TRAIP: variants seen among roughly 807,000 people sequenced by gnomAD.
TRAIP encodes TRAF interacting protein.
A neutral mutation model predicts 65.0 loss-of-function variants in TRAIP; 37 were observed. The ratio of observed to expected loss-of-function variants is 0.57; its 90% CI spans 0.44 to 0.75. TRAIP has a LOEUF of 0.75. Among genes scored for constraint, TRAIP ranks in the 30% least tolerant of loss-of-function variants. The pLI is 0.00. For synonymous variants in TRAIP, 187 were observed against 219.1 expected, an observed-to-expected ratio of 0.85 and a Z score of 1.29; for missense variants, 481 against 579.4, an observed-to-expected ratio of 0.83 and a Z score of 1.74.
chr3:49,831,833 C>A, intron 11 of TRAIP, 83 bp downstream of exon 11: 1 of 1,391,066 alleles, frequency 7.2e-7, no homozygotes, highest in Non-Finnish European at 9.4e-7. Context: ...ATCAGCCACT[C>A]AGAGCTAACA....
chr3:49,848,006 A>C lies in TRAIP; in HGVS notation c.156+137T>G, dbSNP rs866272405. ...GACCTCCCAAACACTCAAGGGCACA[A>C]GTGAGGCTCAACTGGCCTTAAACCA... On this transcript the variant is annotated intron_variant, in intron 2 of 14. Transcript: ENST00000331456. 12 of 921,578 alleles carry C rather than the reference A, an allele frequency of 1.3e-5. No individual in the cohort carries two copies. In the South Asian group the frequency reaches 1.4e-4, roughly 11 times the overall value. 57.1% of individuals were successfully genotyped at this position (921,578 alleles called of 1,614,324 possible). A position where few individuals can be genotyped will look rare whatever the true frequency, so the allele number is the denominator to read the frequency against.
intron 1 of TRAIP, among the ~76,000 whole-genome samples, chr3:49,854,639 G>C (rs1362199517): frequency 6.6e-6 from 1 of 152,122 alleles, no homozygotes; most frequent in Non-Finnish European, 1.5e-5. Flanking sequence ...AGGCAAAACA[G>C]AATCGACTAA....
chr3:49,852,056 C>A (rs1447868127), intron 1 of TRAIP, among the ~76,000 whole-genome samples: 1 of 151,476 alleles, frequency 6.6e-6, no homozygotes, highest in Non-Finnish European at 1.5e-5. Flanking sequence ...TGAAAACAAA[C>A]CAGAAGAAAT....
chr3:49,841,974 C>T (rs1246437281), intron 6 of TRAIP, 35 bp from the exon 7 acceptor site: 1 of 1,569,702 alleles, frequency 6.4e-7, no homozygotes, highest in African/African-American at 1.4e-5. Flanking sequence ...CATTTGCAAT[C>T]TGGAGGCTGA....
In TRAIP at chr3:49,829,373, T is replaced by C. The variant is rs776661856; in HGVS notation, c.1287+85A>G. The C allele has an allele frequency of 9.2e-4, 1,487 of 1,612,262 alleles. 2 individuals are homozygous for C. Among genetic ancestry groups the C allele is most frequent in the Middle Eastern group, 1.3e-3 (8 of 6,054 alleles). On this transcript the variant is annotated intron_variant, in intron 14 of 14. Transcript: ENST00000331456. Reference sequence around the variant, plus strand: ...GCCCAGCACTGCACACCTGAGGCTGTTGGCACTGGCAGGCTGGGGGTATAG... The same window carrying C: ...GCCCAGCACTGCACACCTGAGGCTGCTGGCACTGGCAGGCTGGGGGTATAG...
At chr3:49,839,938 C>G in intron 9 of TRAIP, 78 bp from the exon 10 acceptor site, 1 of 1,450,720 alleles carries the variant, frequency 6.9e-7, no homozygotes, top group Non-Finnish European at 9.7e-7. Context: ...ACATGAGCAG[C>G]ATGCATGAAA....
intron 7 of TRAIP, 112 bp from the exon 8 acceptor site, chr3:49,841,184 C>A: frequency 2.3e-6 from 2 of 873,750 alleles, no homozygotes; most frequent in Non-Finnish European, 3.8e-6. Context: ...CACTCTCATT[C>A]CTACTTTGAC....
At chr3:49,847,412 AAAGAG>A in intron 3 of TRAIP, 108 bp downstream of exon 3, 1 of 741,250 alleles carries the variant, frequency 1.3e-6, no homozygotes, top group South Asian at 1.8e-5. Flanking sequence ...AAAGAAAAGA[AAAGAG>A]AAAAGAGAAG....
chr3:49,843,990 T>C (rs374924101), intron 4 of TRAIP, 62 bp from the exon 5 acceptor site: 22 of 1,547,156 alleles, frequency 1.4e-5, no homozygotes, highest in East Asian at 6.8e-5. Flanking sequence ...GCAGAAGAAC[T>C]TGGGCCCTTG....
intron 1 of TRAIP, among the ~76,000 whole-genome samples, chr3:49,850,812 G>T (rs2081924056): frequency 6.6e-6 from 1 of 151,292 alleles, no homozygotes; most frequent in Admixed American, 6.6e-5. Context: ...ACGCCACCAT[G>T]CCCAGCTCAT....
intron 1 of TRAIP, among the ~76,000 whole-genome samples, chr3:49,855,644 A>G (rs146603891): frequency 1.2e-3 from 184 of 152,318 alleles, no homozygotes; most frequent in African/African-American, 3.7e-3. Context: ...GCCAGCAGCC[A>G]TCAGTGTCAT....
Position 49,828,997 on chromosome 3 carries a change from C to G in TRAIP, c.*106G>C. On this transcript the variant is annotated 3_prime_UTR_variant, in exon 15 of 15. Transcript: ENST00000331456. ...CACCTGTTTGTCTGCCCTTACACCTCAGGCTGGTCCCGAAAGTGGGGCTCT... is the reference window on the plus strand; with the variant it reads ...CACCTGTTTGTCTGCCCTTACACCTGAGGCTGGTCCCGAAAGTGGGGCTCT... The G allele has an allele frequency of 6.6e-7, 1 of 1,525,120 alleles. No homozygotes were observed. The highest frequency in any genetic ancestry group is 9.0e-7 in the Non-Finnish European group (1 of 1,109,722). The allele number at this position is 1,525,120 out of a possible 1,614,324, so 94.5% of individuals were successfully genotyped here.
chr3:49,842,689 G>A lies in TRAIP; in HGVS notation c.409-142C>T, dbSNP rs180971506. On this transcript the variant is annotated intron_variant, in intron 5 of 14. Transcript: ENST00000331456. ...AACCATGTACTCCCAAACCCCAGGA[G>A]GTAAAGCTCCTGGGTCCCACTCTCG... is the stretch of plus-strand genomic sequence containing the variant. 1.1e-5 allele frequency: 8 copies of A among 729,240 alleles called. No individual in the cohort carries two copies. The Admixed American group carries it at 1.8e-4, about 16-fold the overall frequency. 45.2% of individuals were successfully genotyped at this position (729,240 alleles called of 1,614,324 possible).
chr3:49,839,692 C>G, intron 10 of TRAIP, 80 bp downstream of exon 10: 1 of 1,364,684 alleles, frequency 7.3e-7, no homozygotes, highest in South Asian at 1.2e-5. Flanking sequence ...ACCCACCCCA[C>G]CAAAGCCAGG....
chr3:49,831,789 G>T, intron 11 of TRAIP, 127 bp downstream of exon 11: 1 of 1,128,774 alleles, frequency 8.9e-7, no homozygotes, highest in African/African-American at 1.6e-5. Flanking sequence ...TGGAACCAAA[G>T]CCATGGCCAA....
rs369994427 is a variant in TRAIP at position 49,842,504 on chromosome 3, T to C, written c.452A>G (p.Gln151Arg). Residue 151 changes from glutamine to arginine, a missense_variant, in exon 6 of 15, where the codon CAA (glutamine) becomes CGA (arginine). Gln to Arg is a conservative substitution (Grantham distance 43, BLOSUM62 1). Coordinates refer to ENST00000331456, the MANE Select transcript of TRAIP (RefSeq NM_005879.3). Reference protein sequence around the residue: ...YLEQQQDETKQAQEEARRLRS... With the variant: ...YLEQQQDETKRAQEEARRLRS... ...GAGCCGGCGGGCCTCCTCTTGTGCT[T>C]GTTTGGTCTCATCCTGCTGCTGCTC... 5 of 1,613,934 alleles carry C rather than the reference T, an allele frequency of 3.1e-6. No homozygotes were observed. The highest frequency in any genetic ancestry group is 4.2e-6 in the Non-Finnish European group (5 of 1,180,012).
In TRAIP at chr3:49,829,598, T is replaced by C; in HGVS notation, c.1236+19A>G. ...ACCCAAGAGGGCTGGCTCCTGCCAC[T>C]GTGGGAAGCCACACTCACCACATCT... On this transcript the variant is annotated intron_variant, in intron 13 of 14. Coordinates refer to ENST00000331456, the MANE Select transcript of TRAIP (RefSeq NM_005879.3). The C allele has an allele frequency of 1.2e-6, 2 of 1,614,164 alleles. No homozygotes were observed. Among genetic ancestry groups the C allele is most frequent in the Non-Finnish European group, 1.7e-6 (2 of 1,179,990 alleles).
intron 1 of TRAIP, 76 bp downstream of exon 1, chr3:49,856,280 G>C: frequency 7.6e-7 from 1 of 1,308,706 alleles, no homozygotes; most frequent in Non-Finnish European, 1.1e-6. Context: ...GGGTTGGACC[G>C]CCTGGAGGCC....
intron 1 of TRAIP, among the ~76,000 whole-genome samples, chr3:49,854,763 G>A (rs774868374): frequency 6.6e-6 from 1 of 152,086 alleles, no homozygotes; most frequent in Admixed American, 6.6e-5. Flanking sequence ...CCAACTAAAT[G>A]TTGTTTTCCA....
Sources: allele counts gnomAD v4.1 joint callset (sites outside exome capture counted in the v4.1 genomes callset), GRCh38; gene constraint gnomAD v4.1.1; transcripts MANE v1.5; gene names NCBI Gene and HGNC (gene_info 2026-07-23, HGNC 2026-07-21).